The following PTPRG variants were observed in gnomAD, a reference collection of about 807,000 sequenced individuals.
The protein encoded by PTPRG is protein tyrosine phosphatase receptor type G.
A neutral mutation model predicts 165.3 loss-of-function variants in PTPRG; 102 were observed. The observed-to-expected ratio is 0.62, with a 90% CI of 0.53 to 0.73. The LOEUF is 0.73. PTPRG is among the 30% of genes least tolerant of loss of function. The probability of loss-of-function intolerance (pLI) is 0.00; values close to 1 mark genes in which losing one functional copy is unlikely to be tolerated. For synonymous variants in PTPRG, 675 were observed against 669.5 expected, an observed-to-expected ratio of 1.01 and a Z score of -0.13; for missense variants, 1,866 against 1,861.4, an observed-to-expected ratio of 1.00 and a Z score of -0.05.
intron 1 of PTPRG, among the ~76,000 whole-genome samples, chr3:61,631,241 G>C (rs549167355): frequency 1.3e-5 from 2 of 152,200 alleles, no homozygotes; most frequent in East Asian, 3.9e-4. Context: ...CCTTTTGCCA[G>C]GTGTGACAAT....
chr3:62,084,893 CTG>C (rs1701695653), intron 5 of PTPRG, among the ~76,000 whole-genome samples: 1 of 152,212 alleles, frequency 6.6e-6, no homozygotes, highest in African/African-American at 2.4e-5. Context: ...ACGGCTAAAA[CTG>C]TGGCTTGATT....
At chr3:61,816,977 T>TAA (rs2035782383) in intron 2 of PTPRG, among the ~76,000 whole-genome samples, 1 of 132,524 alleles carries the variant, frequency 7.5e-6, no homozygotes, top group Non-Finnish European at 1.5e-5. Context: ...TAATCACTTA[T>TAA]ATATATATTA....
chr3:61,848,120 A>G (rs1199359347), intron 2 of PTPRG, among the ~76,000 whole-genome samples: 5 of 152,216 alleles, frequency 3.3e-5, no homozygotes, highest in South Asian at 2.1e-4. Flanking sequence ...GACGTAGGCA[A>G]TTCTCATGCA....
At position 61,854,688 on chromosome 3, in the gene PTPRG, C is replaced by T. The variant is rs148611953; in HGVS notation, c.190+105706C>T. Among the ~76,000 whole-genome samples, 591 of 152,220 alleles carry T rather than the reference C, an allele frequency of 3.9e-3. 3 individuals carry two copies. The highest frequency in any genetic ancestry group is 0.012 in the African/African-American group (519 of 41,534). ...GATGAGATACAGGAAGGTCTTTTCC[C>T]GTAAGAAGAGCAGTCTCATGTGAGT... On this transcript the variant is annotated intron_variant, in intron 2 of 29. Transcript: ENST00000474889.
chr3:61,768,399 T>C (rs1332059746), intron 2 of PTPRG, among the ~76,000 whole-genome samples: 1 of 152,226 alleles, frequency 6.6e-6, no homozygotes, highest in African/African-American at 2.4e-5. Flanking sequence ...GAGTAGAGTT[T>C]CTCTGCACAA....
chr3:62,185,466 G>A (rs1705840538), intron 8 of PTPRG, among the ~76,000 whole-genome samples: 1 of 152,206 alleles, frequency 6.6e-6, no homozygotes, highest in Non-Finnish European at 1.5e-5. Context: ...TCTGTGGTGT[G>A]CCCTCGAGAG....
intron 2 of PTPRG, among the ~76,000 whole-genome samples, chr3:61,817,087 A>G (rs1179140386): frequency 7.6e-6 from 1 of 132,240 alleles, no homozygotes; most frequent in Non-Finnish European, 1.6e-5. Flanking sequence ...TATATAATAT[A>G]TATTACATAT....
rs1207264318 is a variant in PTPRG, at chr3:62,294,333, A to G, written c.*1026A>G. ...TTTCCTTCTTTGCCAAATGTTTTATAATAAATCTCTTAATTACATACATTT... is the reference window on the plus strand; with the variant it reads ...TTTCCTTCTTTGCCAAATGTTTTATGATAAATCTCTTAATTACATACATTT... On this transcript the variant is annotated 3_prime_UTR_variant, in exon 30 of 30. Transcript: ENST00000474889. 1 of 152,118 alleles carries G rather than the reference A, an allele frequency of 6.6e-6. No individual in the cohort carries two copies. The highest frequency in any genetic ancestry group is 1.5e-5 in the Non-Finnish European group (1 of 68,004). The allele number at this position is 152,118 out of a possible 1,614,324, so 9.4% of individuals were successfully genotyped here.
chr3:61,659,280 T>C, intron 1 of PTPRG: 3 of 983,660 alleles, frequency 3.0e-6, no homozygotes, highest in Non-Finnish European at 3.6e-6. Flanking sequence ...GTATGTTTTC[T>C]TTCATCGACA....
chr3:61,856,884 G>A (rs1243154064), intron 2 of PTPRG, among the ~76,000 whole-genome samples: 1 of 152,164 alleles, frequency 6.6e-6, no homozygotes, highest in African/African-American at 2.4e-5. Flanking sequence ...ACCTCAGAGG[G>A]TAAACCATTT....
chr3:61,621,274 C>G (rs998292053), intron 1 of PTPRG, among the ~76,000 whole-genome samples: 2 of 152,038 alleles, frequency 1.3e-5, no homozygotes, highest in Admixed American at 6.6e-5. Flanking sequence ...CCTTAGGTGA[C>G]GAGGCTGGCA....
intron 2 of PTPRG, among the ~76,000 whole-genome samples, chr3:61,768,767 G>T (rs989890326): frequency 5.3e-5 from 8 of 151,942 alleles, no homozygotes; most frequent in African/African-American, 1.7e-4. Context: ...ATAGTTGTGT[G>T]GGGGAGGGTG....
rs182569098 is a variant in PTPRG at position 62,062,943 on chromosome 3, C to T, written c.520-15220C>T. 6.6e-3 allele frequency among the ~76,000 whole-genome samples: 1,003 copies of T among 152,128 alleles called. 16 individuals are homozygous for T. Among genetic ancestry groups the T allele is most frequent in the African/African-American group, 0.023 (957 of 41,400 alleles). On this transcript the variant is annotated intron_variant, in intron 4 of 29. Transcript: ENST00000474889. ...TGCTGGGATTACAGGCATGAGCCAC[C>T]ATGCCCAGCCAATTTTGTGGCATTC...
In PTPRG at chr3:62,003,506, A is replaced by C. The variant is rs1272856419; in HGVS notation, c.519+9A>C. 1.2e-6 allele frequency: 2 copies of C among 1,613,380 alleles called. No homozygotes were observed. The highest frequency in any genetic ancestry group is 2.2e-5 in the East Asian group (1 of 44,878). ...GGAGGTTTCCTGTTGAGGTGAGAGA[A>C]AGTCAAGATCTCAACGTGTAGCTGT... is the stretch of plus-strand genomic sequence containing the variant. On this transcript the variant is annotated intron_variant, in intron 4 of 29. Coordinates refer to ENST00000474889, the MANE Select transcript of PTPRG (RefSeq NM_002841.4).
At chr3:61,562,473 C>T (rs1649472403) in intron 1 of PTPRG, 101 bp downstream of exon 1, 3 of 1,152,386 alleles carry the variant, frequency 2.6e-6, no homozygotes, top group Admixed American at 1.8e-5. Flanking sequence ...CCGGGAGACC[C>T]TGGAGAGGGT....
rs112209159 is a variant in PTPRG at position 61,902,224 on chromosome 3, A to G, written c.191-87401A>G. ...CTGATTGGAACTGAAAGGGTTGGGC[A>G]TGAATGTTAGGGTGGCCTAAGGTAG... is the stretch of plus-strand genomic sequence containing the variant. On this transcript the variant is annotated intron_variant, in intron 2 of 29. Transcript: ENST00000474889. Among the ~76,000 whole-genome samples the G allele has an allele frequency of 8.0e-3, 1,223 of 152,300 alleles. 21 individuals carry two copies. The highest frequency in any genetic ancestry group is 0.023 in the African/African-American group (970 of 41,554).
intron 2 of PTPRG, among the ~76,000 whole-genome samples, chr3:61,879,882 T>A (rs1269389469): frequency 6.6e-6 from 1 of 152,208 alleles, no homozygotes; most frequent in East Asian, 1.9e-4. Flanking sequence ...TGTATAAGCC[T>A]TTACGTTATA....
At chr3:61,703,701 A>G (rs1371047235) in intron 1 of PTPRG, among the ~76,000 whole-genome samples, 1 of 152,152 alleles carries the variant, frequency 6.6e-6, no homozygotes, top group Non-Finnish European at 1.5e-5. Context: ...CCTTTGAAAA[A>G]CAAACACAAA....
At chr3:62,286,375 A>C (rs1423649510) in intron 28 of PTPRG, among the ~76,000 whole-genome samples, 7 of 152,084 alleles carry the variant, frequency 4.6e-5, no homozygotes, top group Non-Finnish European at 7.4e-5. Context: ...AGGAAGCTGC[A>C]TTTCTTCACA....
Sources: allele counts gnomAD v4.1 joint callset (sites outside exome capture counted in the v4.1 genomes callset), GRCh38; gene constraint gnomAD v4.1.1; transcripts MANE v1.5; gene names NCBI Gene and HGNC (gene_info 2026-07-23, HGNC 2026-07-21).